NEK11: variants seen among roughly 807,000 people sequenced by gnomAD.
NEK11 encodes NIMA related kinase 11, also known as serine/threonine-protein kinase Nek11.
In NEK11, 72 loss-of-function variants were observed where a neutral mutation model predicts 80.7. That is an observed-to-expected ratio of 0.89 (90% CI 0.74 to 1.08). The LOEUF (loss-of-function observed/expected upper bound fraction) is 1.08, where lower values mean the gene tolerates loss of function less well. Among genes scored for constraint, NEK11 ranks in the 50% least tolerant of loss-of-function variants. NEK11 has a pLI of 0.00. For synonymous variants in NEK11, 251 were observed against 260.7 expected, an observed-to-expected ratio of 0.96 and a Z score of 0.36; for missense variants, 764 against 763.6, an observed-to-expected ratio of 1.00 and a Z score of -0.01.
intron 17 of NEK11, among the ~76,000 whole-genome samples, chr3:131,345,969 T>A (rs1326897804): frequency 6.2e-5 from 9 of 144,012 alleles, no homozygotes; most frequent in East Asian, 2.0e-4. Flanking sequence ...ATGGAATATT[T>A]AAAAAAAAAA....
chr3:131,104,772 G>C (rs2078930437), intron 4 of NEK11, among the ~76,000 whole-genome samples: 1 of 152,208 alleles, frequency 6.6e-6, no homozygotes, highest in South Asian at 2.1e-4. Context: ...GTGGGCTTCA[G>C]TGGTAGCTCT....
chr3:131,259,630 T>C (rs761141617), intron 16 of NEK11, among the ~76,000 whole-genome samples: 1 of 152,088 alleles, frequency 6.6e-6, no homozygotes, highest in Non-Finnish European at 1.5e-5. Context: ...GATGAAGGCC[T>C]GACAAGCCTT....
At chr3:131,128,668 A>G (rs2149540524) in intron 5 of NEK11, among the ~76,000 whole-genome samples, 1 of 152,356 alleles carries the variant, frequency 6.6e-6, no homozygotes, top group South Asian at 2.1e-4. Flanking sequence ...TTGAATAAAT[A>G]CCAAGGAACA....
chr3:131,213,890 C>G (rs898338703), intron 14 of NEK11, among the ~76,000 whole-genome samples: 3 of 152,102 alleles, frequency 2.0e-5, no homozygotes, highest in African/African-American at 7.2e-5. Context: ...GAGATGAGGC[C>G]TTTAGGAGGT....
At chr3:131,136,953 C>G (rs1374464538) in intron 7 of NEK11, among the ~76,000 whole-genome samples, 1 of 152,156 alleles carries the variant, frequency 6.6e-6, no homozygotes, top group Non-Finnish European at 1.5e-5. Context: ...TGCAATTAGA[C>G]AGAAAGAAAA....
intron 16 of NEK11, among the ~76,000 whole-genome samples, chr3:131,247,622 C>T (rs2095625185): frequency 6.6e-6 from 1 of 151,910 alleles, no homozygotes; most frequent in Non-Finnish European, 1.5e-5. Context: ...TTTTTGGTTT[C>T]ATATGAATTT....
chr3:131,223,635 G>T (rs564773055), intron 14 of NEK11, among the ~76,000 whole-genome samples: 43 of 152,158 alleles, frequency 2.8e-4, no homozygotes, highest in Admixed American at 1.0e-3. Flanking sequence ...GGCAGAGTTG[G>T]GTAGTTGTGA....
At chr3:131,158,968 T>C (rs139373150) in intron 10 of NEK11, among the ~76,000 whole-genome samples, 2,212 of 152,174 alleles carry the variant, frequency 0.015, 12 homozygotes, top group Middle Eastern at 0.037. Flanking sequence ...GAGAGCAAAA[T>C]TGGGGCCCAG....
intron 3 of NEK11, among the ~76,000 whole-genome samples, chr3:131,080,069 G>T (rs2149024057): frequency 6.8e-6 from 1 of 147,382 alleles, no homozygotes; most frequent in African/African-American, 2.5e-5. Context: ...GTGTGTGTAT[G>T]AACACACATA....
chr3:131,258,212 G>A (rs113293193), intron 16 of NEK11, among the ~76,000 whole-genome samples: 3,477 of 152,162 alleles, frequency 0.023, 67 homozygotes, highest in Non-Finnish European at 0.033. Flanking sequence ...ATGGGGCACA[G>A]TACACACTGC....
intron 3 of NEK11, among the ~76,000 whole-genome samples, chr3:131,031,833 G>A (rs1177677163): frequency 6.6e-6 from 1 of 152,120 alleles, no homozygotes; most frequent in African/African-American, 2.4e-5. Flanking sequence ...GCACCAGAAG[G>A]TCTAGTCCAC....
At chr3:131,230,513 A>T (rs1184946874) in intron 15 of NEK11, among the ~76,000 whole-genome samples, 2 of 152,206 alleles carry the variant, frequency 1.3e-5, no homozygotes, top group Admixed American at 6.5e-5. Flanking sequence ...ATGAGATATT[A>T]GCTATTATTA....
At chr3:131,336,843 A>C (rs1434189090) in intron 17 of NEK11, among the ~76,000 whole-genome samples, 5 of 152,146 alleles carry the variant, frequency 3.3e-5, no homozygotes, top group Non-Finnish European at 5.9e-5. Flanking sequence ...ACATTTATGC[A>C]GCCAAAAGAC....
At chr3:131,348,721 T>C (rs1315595476) in intron 17 of NEK11, among the ~76,000 whole-genome samples, 3 of 151,144 alleles carry the variant, frequency 2.0e-5, no homozygotes, top group East Asian at 1.9e-4. Flanking sequence ...TGTTGACATA[T>C]GGACAATCAC....
chr3:131,163,586 G>A (rs114593806), intron 11 of NEK11, among the ~76,000 whole-genome samples: 178 of 152,170 alleles, frequency 1.2e-3, no homozygotes, highest in African/African-American at 4.1e-3. Context: ...TAGGGGCAGG[G>A]GGGCATGAAT....
At chr3:131,314,130 A>AGTGTGAGT (rs1554008649) in intron 17 of NEK11, among the ~76,000 whole-genome samples, 2 of 149,224 alleles carry the variant, frequency 1.3e-5, no homozygotes, top group Non-Finnish European at 3.0e-5. Flanking sequence ...GGAGAAAAAG[A>AGTGTGAGT]GTGTGTGTGT....
intron 14 of NEK11, among the ~76,000 whole-genome samples, chr3:131,207,476 G>A (rs11711616): frequency 0.42 from 63,231 of 151,634 alleles, 15,530 homozygotes; most frequent in Middle Eastern, 0.66. Flanking sequence ...CCAGCTACTC[G>A]GGAGGCTGAG....
At chr3:131,291,283 T>C (rs1183485042) in intron 17 of NEK11, among the ~76,000 whole-genome samples, 1 of 152,236 alleles carries the variant, frequency 6.6e-6, no homozygotes, top group Non-Finnish European at 1.5e-5. Context: ...TTTAGCATTG[T>C]ATAATATCCC....
rs940829596 is a variant in NEK11 at position 131,350,451 on chromosome 3, T to G, written c.*675T>G. On this transcript the variant is annotated 3_prime_UTR_variant, in exon 18 of 18. Coordinates refer to ENST00000383366, the MANE Select transcript of NEK11 (RefSeq NM_024800.5). ...CACAGTTACAAAATAAATCACCTAT[T>G]TTATCTTTTCCTTATGTAAAACTTT... The G allele has an allele frequency of 6.6e-6, 1 of 152,244 alleles. No individual in the cohort carries two copies. Among genetic ancestry groups the G allele is most frequent in the Non-Finnish European group, 1.5e-5 (1 of 68,056 alleles). The allele number at this position is 152,244 out of a possible 1,614,324, so 9.4% of individuals were successfully genotyped here.
Sources: gnomAD v4.1 joint callset for allele counts (sites outside exome capture counted in the v4.1 genomes callset) on GRCh38, gnomAD v4.1.1 for gene constraint, MANE v1.5 for transcripts, NCBI Gene and HGNC (gene_info 2026-07-23, HGNC 2026-07-21) for gene names.